Variants in MALRD1 observed in about 807,000 individuals in gnomAD.
MALRD1 encodes the protein MAM and LDL-receptor class A domain-containing protein 1.
MALRD1 carries 247 observed loss-of-function variants against 242.1 expected under a neutral mutation model. The ratio of observed to expected loss-of-function variants is 1.02; its 90% confidence interval spans 0.92 to 1.13. The LOEUF (loss-of-function observed/expected upper bound fraction) is 1.13. MALRD1 is among the 50% of genes most tolerant of loss of function. The probability of loss-of-function intolerance (pLI) is 0.00; values close to 1 mark genes in which losing one functional copy is unlikely to be tolerated. For synonymous variants in MALRD1, 995 were observed against 866.6 expected (o/e 1.15, Z -2.60); for missense variants, 2,989 against 2,533.1 (o/e 1.18, Z -3.86).
intron 19 of MALRD1, among the ~76,000 whole-genome samples, chr10:19,259,451 G>T (rs12255631): frequency 9.2e-5 from 14 of 152,116 alleles, no homozygotes; most frequent in African/African-American, 3.4e-4. Context: ...ATGGCAGAAG[G>T]TGAAGGAGGA....
At chr10:19,256,223 G>T (rs1839504913) in intron 18 of MALRD1, among the ~76,000 whole-genome samples, 1 of 151,930 alleles carries the variant, frequency 6.6e-6, no homozygotes, top group Non-Finnish European at 1.5e-5. Context: ...TTATTGCAGT[G>T]GGATTTACAT....
intron 36 of MALRD1, among the ~76,000 whole-genome samples, chr10:19,688,115 ACC>A (rs1274784702): frequency 6.6e-6 from 1 of 152,132 alleles, no homozygotes; most frequent in East Asian, 1.9e-4. Context: ...GATTACAGGC[ACC>A]CGCCACCACA....
At chr10:19,479,203 G>A (rs1241845270) in intron 29 of MALRD1, among the ~76,000 whole-genome samples, 2 of 152,120 alleles carry the variant, frequency 1.3e-5, no homozygotes, top group Non-Finnish European at 1.5e-5. Context: ...TTCAGAATGG[G>A]CAAGTTTAGT....
At chr10:19,504,828 G>T (rs1251134166) in intron 31 of MALRD1, among the ~76,000 whole-genome samples, 4 of 150,744 alleles carry the variant, frequency 2.7e-5, no homozygotes. Flanking sequence ...GACTACAGGC[G>T]CCCGCCACCG....
chr10:19,286,942 T>C (rs1224830303), intron 21 of MALRD1, among the ~76,000 whole-genome samples: 1 of 150,992 alleles, frequency 6.6e-6, no homozygotes, highest in Non-Finnish European at 1.5e-5. Flanking sequence ...GCAAACCGAA[T>C]CCAGCAGCAC....
chr10:19,578,372 C>T (rs183315824), intron 33 of MALRD1, among the ~76,000 whole-genome samples: 3 of 152,184 alleles, frequency 2.0e-5, no homozygotes, highest in Non-Finnish European at 2.9e-5. Flanking sequence ...TGTAAAGTTG[C>T]TCAAAATAGA....
At chr10:19,424,618 AC>A (rs554637900) in intron 28 of MALRD1, among the ~76,000 whole-genome samples, 447 of 152,372 alleles carry the variant, frequency 2.9e-3, no homozygotes, top group Middle Eastern at 0.024. Flanking sequence ...TTTCAGTGTT[AC>A]AATTAAAATA....
intron 35 of MALRD1, among the ~76,000 whole-genome samples, chr10:19,611,669 C>A (rs1306932032): frequency 1.3e-5 from 2 of 152,000 alleles, no homozygotes; most frequent in Non-Finnish European, 2.9e-5. Flanking sequence ...CCTGGAAATA[C>A]TCAGCCTCTT....
At chr10:19,457,544 TA>T (rs2131078873) in intron 29 of MALRD1, among the ~76,000 whole-genome samples, 1 of 152,016 alleles carries the variant, frequency 6.6e-6, no homozygotes, top group South Asian at 2.1e-4. Context: ...TTTTATAACT[TA>T]GGTGAAAGCA....
chr10:19,697,877 C>T (rs1023668967), intron 38 of MALRD1, among the ~76,000 whole-genome samples: 49 of 152,260 alleles, frequency 3.2e-4, no homozygotes, highest in East Asian at 3.9e-4. Context: ...TCTTCTGTCT[C>T]CCTGTTTTTA....
chr10:19,471,718 A>G (rs1445016449), intron 29 of MALRD1, among the ~76,000 whole-genome samples: 2 of 127,020 alleles, frequency 1.6e-5, no homozygotes, highest in Non-Finnish European at 3.5e-5. Flanking sequence ...TCTTTTTCAT[A>G]TAGTTTATTT....
intron 5 of MALRD1, among the ~76,000 whole-genome samples, chr10:19,108,947 C>G (rs1836574567): frequency 6.6e-6 from 1 of 152,088 alleles, no homozygotes; most frequent in African/African-American, 2.4e-5. Context: ...TTGCTCCTTC[C>G]AATTTTATAG....
At chr10:19,481,872 A>G (rs1266282606) in intron 29 of MALRD1, among the ~76,000 whole-genome samples, 1 of 152,108 alleles carries the variant, frequency 6.6e-6, no homozygotes, top group East Asian at 1.9e-4. Flanking sequence ...TCTGATAGCA[A>G]TTCATAAATA....
intron 38 of MALRD1, among the ~76,000 whole-genome samples, chr10:19,699,525 G>A (rs1330461936): frequency 6.6e-6 from 1 of 152,112 alleles, no homozygotes; most frequent in Non-Finnish European, 1.5e-5. Context: ...TTGAGCTGAA[G>A]GTAGACACAG....
chr10:19,200,504 T>C (rs192121442), intron 14 of MALRD1, among the ~76,000 whole-genome samples: 51 of 152,230 alleles, frequency 3.4e-4, no homozygotes, highest in Non-Finnish European at 4.7e-4. Context: ...TTCAGACTTC[T>C]TTTTTGTACA....
rs1362767811 is a variant in MALRD1 at position 19,423,315 on chromosome 10, A to G, written c.4846-26992A>G. Among the ~76,000 whole-genome samples, 3 of 152,108 alleles carry G rather than the reference A, an allele frequency of 2.0e-5. No individual in the cohort carries two copies. The East Asian group carries it at 5.8e-4, about 29-fold the overall frequency. ...GTGGACCTGAAGTTATTACCAATCTATGAACAAATATTATAATGATGATTT... is the reference window on the plus strand; with the variant it reads ...GTGGACCTGAAGTTATTACCAATCTGTGAACAAATATTATAATGATGATTT... On this transcript the variant is annotated intron_variant, in intron 28 of 39. Transcript: ENST00000454679.
chr10:19,645,428 C>T (rs1840608503), intron 36 of MALRD1, among the ~76,000 whole-genome samples: 1 of 152,196 alleles, frequency 6.6e-6, no homozygotes, highest in South Asian at 2.1e-4. Context: ...CACATGCACA[C>T]ATACGTTTAT....
intron 38 of MALRD1, among the ~76,000 whole-genome samples, chr10:19,719,244 A>ATATATATGTG (rs1554830472): frequency 0.035 from 3,357 of 96,870 alleles, 239 homozygotes; most frequent in Middle Eastern, 0.053. Flanking sequence ...ATATATATAT[A>ATATATATGTG]TATATATATA....
intron 28 of MALRD1, among the ~76,000 whole-genome samples, chr10:19,417,563 C>G (rs2130904797): frequency 6.6e-6 from 1 of 152,212 alleles, no homozygotes; most frequent in South Asian, 2.1e-4. Context: ...CAGCTTTAGG[C>G]AGTGAAACAA....
Sources: gnomAD v4.1 joint callset for allele counts (sites outside exome capture counted in the v4.1 genomes callset) on GRCh38, gnomAD v4.1.1 for gene constraint, MANE v1.5 for transcripts, NCBI Gene and HGNC (gene_info 2026-07-23, HGNC 2026-07-21) for gene names.